The following NEBL variants were observed in gnomAD, a reference collection of about 807,000 sequenced individuals.
The protein encoded by NEBL is nebulette.
NEBL carries 122 observed loss-of-function variants against 140.2 expected under a neutral mutation model. The observed-to-expected ratio is 0.87, with a 90% CI of 0.75 to 1.01. The LOEUF (loss-of-function observed/expected upper bound fraction) is 1.01, where lower values mean the gene tolerates loss of function less well. Among genes scored for constraint, NEBL ranks in the 50% least tolerant of loss-of-function variants. NEBL has a pLI of 0.00. For synonymous variants in NEBL, 436 were observed against 398.9 expected (o/e 1.09, Z -1.11); for missense variants, 1,365 against 1,231.3 (o/e 1.11, Z -1.62).
chr10:21,273,881 C>T (rs1362554803), intron 1 of NEBL, among the ~76,000 whole-genome samples: 1 of 152,190 alleles, frequency 6.6e-6, no homozygotes, highest in Admixed American at 6.5e-5. Context: ...TTGCTTACCC[C>T]TGCAGCAGAT....
intron 3 of NEBL, among the ~76,000 whole-genome samples, chr10:20,971,030 C>T (rs1430577082): frequency 6.6e-6 from 1 of 152,126 alleles, no homozygotes; most frequent in Non-Finnish European, 1.5e-5. Flanking sequence ...TTATCTGTAA[C>T]GGATCCTGTA....
intron 2 of NEBL, among the ~76,000 whole-genome samples, chr10:20,890,439 T>C (rs763395100): frequency 3.3e-5 from 5 of 152,338 alleles, no homozygotes; most frequent in Non-Finnish European, 7.4e-5. Context: ...CGTTATTACC[T>C]AGACATGCTT....
At chr10:20,793,278 CA>C in intron 26 of NEBL, 1 of 862,406 alleles carries the variant, frequency 1.2e-6, no homozygotes, top group Non-Finnish European at 1.4e-6. Flanking sequence ...CATCGTGATA[CA>C]AAATAATTAA....
At chr10:21,038,164 T>C (rs1211036966) in intron 2 of NEBL, among the ~76,000 whole-genome samples, 5 of 152,202 alleles carry the variant, frequency 3.3e-5, no homozygotes, top group African/African-American at 7.2e-5. Context: ...TTCAATCAAG[T>C]AGCAACTCAA....
chr10:21,001,484 A>G (rs1371950558), intron 3 of NEBL, among the ~76,000 whole-genome samples: 1 of 152,056 alleles, frequency 6.6e-6, no homozygotes, highest in Non-Finnish European at 1.5e-5. Context: ...ATTATCACAG[A>G]TACTCCAGGG....
chr10:20,850,535 G>T (rs200562329), intron 10 of NEBL, 33 bp from the exon 11 acceptor site: 5 of 1,383,194 alleles, frequency 3.6e-6, no homozygotes, highest in Non-Finnish European at 4.1e-6. Flanking sequence ...TATACAAATC[G>T]AAAGTCCTTA....
At chr10:21,209,885 G>A (rs879083206) in intron 3 of NEBL, among the ~76,000 whole-genome samples, 2 of 152,002 alleles carry the variant, frequency 1.3e-5, no homozygotes, top group Admixed American at 1.3e-4. Context: ...TCCTTGTGGA[G>A]CCAGGAACTG....
intron 4 of NEBL, among the ~76,000 whole-genome samples, chr10:20,934,913 G>C (rs934335461): frequency 6.6e-6 from 1 of 152,164 alleles, no homozygotes; most frequent in African/African-American, 2.4e-5. Context: ...AGAGATCTAG[G>C]ACAGTATCAC....
At chr10:21,017,137 C>T (rs933775594) in intron 3 of NEBL, among the ~76,000 whole-genome samples, 2 of 152,142 alleles carry the variant, frequency 1.3e-5, no homozygotes, top group African/African-American at 2.4e-5. Flanking sequence ...TGTGAAAGGG[C>T]AGGTTATCGA....
At chr10:21,175,433 C>T (rs576438128), upstream of NEBL, among the ~76,000 whole-genome samples, 22 of 152,290 alleles carry the variant, frequency 1.4e-4, no homozygotes, top group African/African-American at 5.1e-4. Flanking sequence ...CCGTTGCTAG[C>T]GCACAGATTA....
intron 2 of NEBL, among the ~76,000 whole-genome samples, chr10:21,091,084 C>T (rs1454902751): frequency 2.6e-5 from 4 of 152,054 alleles, no homozygotes; most frequent in African/African-American, 7.2e-5. Context: ...CTCTCGGATT[C>T]GTCTGTGTAT....
intron 3 of NEBL, among the ~76,000 whole-genome samples, chr10:21,202,817 C>T (rs563582461): frequency 7.3e-4 from 111 of 152,236 alleles, no homozygotes; most frequent in African/African-American, 2.3e-3. Flanking sequence ...AAAATGGAGA[C>T]TAATTTTGCT....
intron 4 of NEBL, among the ~76,000 whole-genome samples, chr10:20,952,352 A>T (rs1157404819): frequency 6.6e-6 from 1 of 150,680 alleles, no homozygotes; most frequent in Middle Eastern, 3.2e-3. Flanking sequence ...CAGGAGAATC[A>T]CTTGAACCCA....
At chr10:20,797,200 T>G (rs745458694) in intron 26 of NEBL, among the ~76,000 whole-genome samples, 6 of 152,338 alleles carry the variant, frequency 3.9e-5, no homozygotes, top group Middle Eastern at 3.4e-3. Flanking sequence ...TATAAATCAA[T>G]ATTTAATATG....
chr10:20,828,784 G>A lies in NEBL; in HGVS notation c.1672-150C>T, dbSNP rs1183401507. 1.2e-5 allele frequency: 7 copies of A among 579,740 alleles called. No homozygotes were observed. Among genetic ancestry groups the A allele is most frequent in the African/African-American group, 9.4e-5 (5 of 53,294 alleles). 35.9% of individuals were successfully genotyped at this position (579,740 alleles called of 1,614,324 possible). On this transcript the variant is annotated intron_variant, in intron 16 of 27. Transcript: ENST00000377122. ...CACTCCCAGAGAGAGAGAGAGAGAG[G>A]TGGAGAGACAGAGATAGAATGATAC...
intron 2 of NEBL, among the ~76,000 whole-genome samples, chr10:21,152,362 C>T (rs1289142201): frequency 2.0e-5 from 3 of 152,172 alleles, no homozygotes; most frequent in African/African-American, 7.2e-5. Context: ...TGAGCATCTC[C>T]CCACCTCCAT....
At chr10:21,136,222 C>T (rs1240879921) in intron 2 of NEBL, among the ~76,000 whole-genome samples, 2 of 152,222 alleles carry the variant, frequency 1.3e-5, no homozygotes, top group Non-Finnish European at 2.9e-5. Flanking sequence ...CCACTCCACA[C>T]TTGCTGGATC....
At chr10:20,894,120 G>C (rs1847245322) in intron 2 of NEBL, among the ~76,000 whole-genome samples, 1 of 152,154 alleles carries the variant, frequency 6.6e-6, no homozygotes, top group Non-Finnish European at 1.5e-5. Context: ...AGTCCAAAGA[G>C]TAACAATTAG....
chr10:21,135,851 C>G (rs536279190), intron 2 of NEBL, among the ~76,000 whole-genome samples: 106 of 152,286 alleles, frequency 7.0e-4, no homozygotes, highest in Non-Finnish European at 1.2e-3. Context: ...AAATCCAGCT[C>G]TTCCTCCTCA....
Sources: allele counts gnomAD v4.1 joint callset (sites outside exome capture counted in the v4.1 genomes callset), GRCh38; gene constraint gnomAD v4.1.1; transcripts MANE v1.5; gene names NCBI Gene and HGNC (gene_info 2026-07-23, HGNC 2026-07-21).